CNTN5: variants seen among roughly 807,000 people sequenced by gnomAD.
CNTN5 encodes contactin-5.
In CNTN5, 77 loss-of-function variants were observed where a neutral mutation model predicts 129.1. That is an observed-to-expected ratio of 0.60 (90% CI 0.50 to 0.72). The LOEUF (loss-of-function observed/expected upper bound fraction) is 0.72, where lower values mean the gene tolerates loss of function less well. Ranked by LOEUF, CNTN5 falls within the 30% of genes least tolerant of loss-of-function variation. The probability of loss-of-function intolerance (pLI) is 0.00; values close to 1 mark genes in which losing one functional copy is unlikely to be tolerated. For missense variants in CNTN5, 1,478 were observed against 1,328.8 expected, an observed-to-expected ratio of 1.11 and a Z score of -1.75; for synonymous variants, 509 against 465.6, an observed-to-expected ratio of 1.09 and a Z score of -1.20.
chr11:99,685,601 C>G (rs1268826676), intron 3 of CNTN5, among the ~76,000 whole-genome samples: 1 of 150,972 alleles, frequency 6.6e-6, no homozygotes, highest in Non-Finnish European at 1.5e-5. Flanking sequence ...AAAGGTCTCT[C>G]TATTTCTGGT....
chr11:99,524,289 T>A (rs1229740761), intron 2 of CNTN5, among the ~76,000 whole-genome samples: 2 of 152,200 alleles, frequency 1.3e-5, no homozygotes, highest in Non-Finnish European at 2.9e-5. Context: ...TATACAAGTT[T>A]GTTTTGTATT....
intron 3 of CNTN5, among the ~76,000 whole-genome samples, chr11:99,746,467 G>T (rs12574520): frequency 0.16 from 24,349 of 152,086 alleles, 3,221 homozygotes; most frequent in East Asian, 0.66. Flanking sequence ...ACCACTACTG[G>T]TCCATGGACT....
At chr11:100,177,501 T>C (rs1004837272) in intron 13 of CNTN5, among the ~76,000 whole-genome samples, 4 of 152,150 alleles carry the variant, frequency 2.6e-5, no homozygotes, top group African/African-American at 9.7e-5. Context: ...GTGTAGTTTC[T>C]ATAGTAGTAG....
At chr11:99,291,515 T>TA (rs1864169371) in intron 1 of CNTN5, among the ~76,000 whole-genome samples, 1 of 151,930 alleles carries the variant, frequency 6.6e-6, no homozygotes, top group Admixed American at 6.6e-5. Context: ...ATTTTATTTC[T>TA]AAAAAATGTG....
intron 1 of CNTN5, among the ~76,000 whole-genome samples, chr11:99,219,024 T>C (rs1039561489): frequency 6.6e-6 from 1 of 151,978 alleles, no homozygotes; most frequent in Non-Finnish European, 1.5e-5. Flanking sequence ...TAATATGAAA[T>C]AAAAATAACA....
chr11:100,142,956 T>C (rs930826769), intron 13 of CNTN5, among the ~76,000 whole-genome samples: 3 of 152,182 alleles, frequency 2.0e-5, no homozygotes, highest in Non-Finnish European at 4.4e-5. Flanking sequence ...TGCACCAAAT[T>C]ATTTAAAATC....
At chr11:99,501,510 C>T (rs1946426129) in intron 2 of CNTN5, among the ~76,000 whole-genome samples, 1 of 152,224 alleles carries the variant, frequency 6.6e-6, no homozygotes, top group South Asian at 2.1e-4. Flanking sequence ...AAACCACTGA[C>T]ACAGCCACTT....
At chr11:100,108,353 G>A (rs1485969723) in intron 13 of CNTN5, among the ~76,000 whole-genome samples, 2 of 152,156 alleles carry the variant, frequency 1.3e-5, no homozygotes, top group African/African-American at 2.4e-5. Context: ...AGTGGAAAGA[G>A]ATTGAGGTAG....
Position 100,070,474 on chromosome 11 carries a change from A to C in CNTN5, c.1213A>C (p.Ser405Arg). Residue 405 changes from serine to arginine, a missense_variant, in exon 11 of 25, where the codon AGC (serine) becomes CGC (arginine). By Grantham distance (110) the Ser-to-Arg change is moderately radical. Coordinates refer to ENST00000524871, the MANE Select transcript of CNTN5 (RefSeq NM_014361.4). ...KLNDTQLDSG[S>R]PLRWECKATG... ...GAATGATACTCAGTTAGACAGTGGGAGCCCTCTCCGATGGGAATGTAAGGC... is the reference window on the plus strand; with the variant it reads ...GAATGATACTCAGTTAGACAGTGGGCGCCCTCTCCGATGGGAATGTAAGGC... 2 of 1,612,628 alleles carry C rather than the reference A, an allele frequency of 1.2e-6. No homozygotes were observed. Among genetic ancestry groups the C allele is most frequent in the Non-Finnish European group, 1.7e-6 (2 of 1,179,240 alleles).
chr11:99,814,800 C>T (rs1946531597), intron 3 of CNTN5, among the ~76,000 whole-genome samples: 1 of 151,978 alleles, frequency 6.6e-6, no homozygotes, highest in African/African-American at 2.4e-5. Flanking sequence ...TGTCTCCACC[C>T]TGCTATAGAG....
chr11:100,004,925 C>T (rs190157495), intron 9 of CNTN5, among the ~76,000 whole-genome samples: 6 of 152,262 alleles, frequency 3.9e-5, no homozygotes, highest in African/African-American at 1.4e-4. Context: ...TGGTGGCTCT[C>T]ATGGCTGAAG....
chr11:99,556,388 A>AC, intron 3 of CNTN5, 119 bp downstream of exon 3: 5 of 557,596 alleles, frequency 9.0e-6, no homozygotes, highest in Non-Finnish European at 6.0e-6. Context: ...CAGTATTTAT[A>AC]CTTTCCAACA....
intron 7 of CNTN5, among the ~76,000 whole-genome samples, chr11:99,941,185 T>C (rs1053479347): frequency 1.3e-5 from 2 of 152,072 alleles, no homozygotes; most frequent in Non-Finnish European, 2.9e-5. Context: ...TTAGCTAGAA[T>C]ACTGGAATTG....
At chr11:99,888,893 G>C (rs753339242) in intron 6 of CNTN5, among the ~76,000 whole-genome samples, 4 of 152,168 alleles carry the variant, frequency 2.6e-5, no homozygotes, top group Non-Finnish European at 5.9e-5. Context: ...TTTACATTAT[G>C]TCATTTACTA....
At chr11:99,700,861 T>C (rs939243274) in intron 3 of CNTN5, among the ~76,000 whole-genome samples, 1 of 151,228 alleles carries the variant, frequency 6.6e-6, no homozygotes, top group African/African-American at 2.4e-5. Flanking sequence ...CAATAAGATT[T>C]GCTGTAATTC....
At chr11:99,502,442 G>A (rs1366890748) in intron 2 of CNTN5, among the ~76,000 whole-genome samples, 1 of 152,086 alleles carries the variant, frequency 6.6e-6, no homozygotes, top group African/African-American at 2.4e-5. Context: ...CCTCCACGCT[G>A]TTCTCATAAT....
intron 1 of CNTN5, among the ~76,000 whole-genome samples, chr11:99,231,930 G>C (rs1386181651): frequency 6.6e-6 from 1 of 152,012 alleles, no homozygotes; most frequent in Admixed American, 6.6e-5. Context: ...GCTTGTTTTT[G>C]TCAGGTTTGT....
chr11:99,210,714 A>AATGGT (rs1555078827), intron 1 of CNTN5, among the ~76,000 whole-genome samples: 1 of 151,946 alleles, frequency 6.6e-6, no homozygotes. Context: ...TGGCTATGTA[A>AATGGT]ATGTTATGTT....
Position 99,692,197 on chromosome 11 carries a change from G to A in CNTN5, c.56-127347G>A, listed in dbSNP as rs667339. Among the ~76,000 whole-genome samples the A allele has an allele frequency of 6.4e-3, 975 of 152,116 alleles. 14 individuals are homozygous for A. Among genetic ancestry groups the A allele is most frequent in the Non-Finnish European group, 7.7e-3 (525 of 67,960 alleles). ...AATGGTTCGTGGTTCTTTATCCAAC[G>A]TGCCACTCTGTGTCTTTTAATTGGG... is the stretch of plus-strand genomic sequence containing the variant. On this transcript the variant is annotated intron_variant, in intron 3 of 24. Transcript: ENST00000524871.
Sources: allele counts gnomAD v4.1 joint callset (sites outside exome capture counted in the v4.1 genomes callset), GRCh38; gene constraint gnomAD v4.1.1; transcripts MANE v1.5; gene names NCBI Gene and HGNC (gene_info 2026-07-23, HGNC 2026-07-21).